Variants in ABLIM1 observed in about 807,000 individuals in gnomAD.
ABLIM1 encodes actin binding LIM protein 1.
In ABLIM1, 40 loss-of-function variants were observed where a neutral mutation model predicts 107.0. The observed-to-expected ratio is 0.37, with a 90% confidence interval of 0.29 to 0.49. The LOEUF (loss-of-function observed/expected upper bound fraction) is 0.49, where lower values mean the gene tolerates loss of function less well. Among genes scored for constraint, ABLIM1 ranks in the 20% least tolerant of loss-of-function variants. The probability of loss-of-function intolerance (pLI) is 0.97; values close to 1 mark genes in which losing one functional copy is unlikely to be tolerated. For missense variants in ABLIM1, 857 were observed against 1,008.5 expected, an observed-to-expected ratio of 0.85 and a Z score of 2.04; for synonymous variants, 357 against 357.3, an observed-to-expected ratio of 1.00 and a Z score of 0.01.
At chr10:114,541,657 G>A (rs1359282102) in intron 6 of ABLIM1, among the ~76,000 whole-genome samples, 2 of 152,156 alleles carry the variant, frequency 1.3e-5, no homozygotes, top group African/African-American at 2.4e-5. Context: ...ACTCCCAGAC[G>A]CCTCAACTCT....
At chr10:114,500,706 G>T (rs2060280329) in intron 6 of ABLIM1, among the ~76,000 whole-genome samples, 1 of 113,410 alleles carries the variant, frequency 8.8e-6, no homozygotes, top group African/African-American at 3.3e-5. Context: ...AAAAAAGAAA[G>T]AGAAGGGAAG....
intron 6 of ABLIM1, among the ~76,000 whole-genome samples, chr10:114,511,263 G>T (rs2061825606): frequency 6.6e-6 from 1 of 152,004 alleles, no homozygotes; most frequent in African/African-American, 2.4e-5. Flanking sequence ...AACAATGGCA[G>T]AACAAATATT....
At chr10:114,706,895 C>A (rs808249) in intron 1 of ABLIM1, among the ~76,000 whole-genome samples, 35,914 of 151,596 alleles carry the variant, frequency 0.24, 6,003 homozygotes, top group African/African-American at 0.48. Context: ...TCCTAAAGAA[C>A]ATGAAAACAA....
chr10:114,795,569 C>T, the ABLIM1 span, among the ~76,000 whole-genome samples: 9 of 152,016 alleles, frequency 5.9e-5, no homozygotes, highest in Non-Finnish European at 8.8e-5. Flanking sequence ...ACTAGCCAGG[C>T]GTGGTGGCAC....
At chr10:114,660,545 C>A (rs2079748649), upstream of ABLIM1, among the ~76,000 whole-genome samples, 1 of 151,902 alleles carries the variant, frequency 6.6e-6, no homozygotes, top group Admixed American at 6.6e-5. Flanking sequence ...GATTTCTGGG[C>A]CAATTTGTTT....
In ABLIM1 at chr10:114,435,985, C is replaced by T. The variant is rs2059331012; in HGVS notation, c.*275G>A. 3.0e-6 allele frequency: 1 copy of T among 329,976 alleles called. No homozygotes were observed. Among genetic ancestry groups the T allele is most frequent in the Admixed American group, 4.4e-5 (1 of 22,494 alleles). 20.4% of individuals were successfully genotyped at this position (329,976 alleles called of 1,614,324 possible). A position where few individuals can be genotyped will look rare whatever the true frequency, so the allele number is the denominator to read the frequency against. On this transcript the variant is annotated 3_prime_UTR_variant, in exon 23 of 23. Coordinates refer to ENST00000533213, the MANE Select transcript of ABLIM1 (RefSeq NM_002313.7). ...AAAGAAAAAGAAGAAAACAACGCAG[C>T]TCCTGTTGTATACATAAGGTAATGT...
intron 4 of ABLIM1, among the ~76,000 whole-genome samples, chr10:114,547,982 C>T (rs1314879253): frequency 6.6e-6 from 1 of 152,196 alleles, no homozygotes. Flanking sequence ...AGAACGGAAG[C>T]TTCATGAACC....
chr10:114,532,030 G>A (rs946444734), intron 6 of ABLIM1, among the ~76,000 whole-genome samples: 2 of 152,064 alleles, frequency 1.3e-5, no homozygotes, highest in African/African-American at 2.4e-5. Flanking sequence ...GGCCAGGCTC[G>A]TCTCGAACTC....
intron 4 of ABLIM1, among the ~76,000 whole-genome samples, chr10:114,551,987 A>G (rs979812062): frequency 3.7e-4 from 56 of 152,168 alleles, no homozygotes; most frequent in Admixed American, 3.6e-3. Context: ...GTTGGGCTGC[A>G]AATAAAGGCT....
At chr10:114,513,753 C>G (rs2062306912) in intron 6 of ABLIM1, among the ~76,000 whole-genome samples, 1 of 152,164 alleles carries the variant, frequency 6.6e-6, no homozygotes, top group Non-Finnish European at 1.5e-5. Context: ...CTAGTAGATA[C>G]AAGCAATCGA....
chr10:114,569,593 C>T (rs2071346893), intron 4 of ABLIM1, among the ~76,000 whole-genome samples: 1 of 152,188 alleles, frequency 6.6e-6, no homozygotes, highest in African/African-American at 2.4e-5. Flanking sequence ...GCTGGGATTA[C>T]AGGGCCTCTT....
intron 8 of ABLIM1, among the ~76,000 whole-genome samples, chr10:114,483,733 C>T (rs985056064): frequency 1.3e-5 from 2 of 152,200 alleles, no homozygotes; most frequent in Non-Finnish European, 2.9e-5. Flanking sequence ...TTATCCTTAG[C>T]GCAGTTCTGA....
At position 114,735,953 on chromosome 10, in the gene ABLIM1, T is replaced by C. The variant is rs146093118; in HGVS notation, c.-213+32108A>G. ...ATATGAATATGTGATCACAAATTTC[T>C]GTATTATTCTCAAAATATCTGACCA... On this transcript the variant is annotated intron_variant, in intron 1 of 15. Transcript: ENST00000651092. 3.7e-3 allele frequency among the ~76,000 whole-genome samples: 565 copies of C among 152,342 alleles called. 2 individuals carry two copies. The highest frequency in any genetic ancestry group is 0.013 in the African/African-American group (532 of 41,582).
intron 6 of ABLIM1, among the ~76,000 whole-genome samples, chr10:114,514,010 C>A (rs1242680534): frequency 6.6e-6 from 1 of 152,212 alleles, no homozygotes; most frequent in South Asian, 2.1e-4. Flanking sequence ...ACAGGCTCCA[C>A]AAGCATCACT....
rs532203158 is a variant in ABLIM1, at chr10:114,581,535, T to C, written c.380-5936A>G. Among the ~76,000 whole-genome samples the C allele has an allele frequency of 3.2e-4, 48 of 152,322 alleles. No individual in the cohort carries two copies. The South Asian group carries it at 1.0e-2, about 32-fold the overall frequency. ...CAGTAGACTGAACATCTCTTTCTTG[T>C]GCTACTGCTCTCATACAGGTTTTAA... On this transcript the variant is annotated intron_variant, in intron 2 of 22. Coordinates refer to ENST00000533213, the MANE Select transcript of ABLIM1 (RefSeq NM_002313.7).
At chr10:114,552,427 G>A (rs762342467) in intron 4 of ABLIM1, among the ~76,000 whole-genome samples, 11 of 150,404 alleles carry the variant, frequency 7.3e-5, no homozygotes, top group Admixed American at 1.3e-4. Flanking sequence ...CAGTGGCATC[G>A]AGGAAATAAA....
chr10:114,600,966 A>C (rs1335199904), intron 2 of ABLIM1, among the ~76,000 whole-genome samples: 1 of 152,050 alleles, frequency 6.6e-6, no homozygotes, highest in Admixed American at 6.6e-5. Flanking sequence ...GGAAATCAAC[A>C]CCAAACTGGT....
At chr10:114,490,617 C>T (rs187912215) in intron 7 of ABLIM1, among the ~76,000 whole-genome samples, 4 of 152,184 alleles carry the variant, frequency 2.6e-5, no homozygotes, top group Admixed American at 2.0e-4. Context: ...ATTAATAACT[C>T]TTTTCCAGCT....
chr10:114,582,625 A>G (rs2073528433), intron 2 of ABLIM1, among the ~76,000 whole-genome samples: 1 of 152,222 alleles, frequency 6.6e-6, no homozygotes, highest in Non-Finnish European at 1.5e-5. Context: ...ACAAGGCTAC[A>G]GTAACCAAAA....
Sources: allele counts gnomAD v4.1 joint callset (sites outside exome capture counted in the v4.1 genomes callset), GRCh38; gene constraint gnomAD v4.1.1; transcripts MANE v1.5; gene names NCBI Gene and HGNC (gene_info 2026-07-23, HGNC 2026-07-21).